Variants in SORBS2 observed in about 807,000 individuals in gnomAD.
The protein encoded by SORBS2 is sorbin and SH3 domain containing 2.
SORBS2 carries 46 observed loss-of-function variants against 97.7 expected under a neutral mutation model. That is an observed-to-expected ratio of 0.47 (90% CI 0.37 to 0.60). The LOEUF is 0.60. Among genes scored for constraint, SORBS2 ranks in the 20% least tolerant of loss-of-function variants. SORBS2 has a pLI of 0.00. For missense variants in SORBS2, 1,316 were observed against 1,282.3 expected (o/e 1.03, Z -0.40); for synonymous variants, 476 against 473.4 (o/e 1.01, Z -0.07).
rs560964502 is a variant in SORBS2 at position 185,595,016 on chromosome 4, T to C, written c.2797-1081A>G. 3.9e-5 allele frequency among the ~76,000 whole-genome samples: 6 copies of C among 152,304 alleles called. No homozygotes were observed. In the East Asian group the frequency reaches 1.2e-3, roughly 29 times the overall value. On this transcript the variant is annotated intron_variant, in intron 12 of 14. Transcript: ENST00000418609. ...TTACTGATAGGCTGAAATCTCTTGC[T>C]GCCAATTGTCCATAGAAACCCCACT...
chr4:185,928,739 G>T (rs966381409), intron 1 of SORBS2, among the ~76,000 whole-genome samples: 1 of 152,090 alleles, frequency 6.6e-6, no homozygotes, highest in African/African-American at 2.4e-5. Flanking sequence ...GTAGAGACGG[G>T]GTTTCACCGT....
chr4:185,721,231 C>T (rs4861677), intron 2 of SORBS2, among the ~76,000 whole-genome samples: 122,514 of 151,720 alleles, frequency 0.81, 50,140 homozygotes, highest in Non-Finnish European at 0.89. Context: ...CCTGCCACCA[C>T]GCCCAGATAA....
chr4:185,712,181 A>C (rs7689859), intron 2 of SORBS2, among the ~76,000 whole-genome samples: 112,092 of 151,950 alleles, frequency 0.74, 42,586 homozygotes, highest in Non-Finnish European at 0.84. Context: ...ACCTATAACC[A>C]TGCCCCACCC....
At chr4:185,665,501 T>G (rs1164989037) in intron 4 of SORBS2, among the ~76,000 whole-genome samples, 3 of 152,222 alleles carry the variant, frequency 2.0e-5, no homozygotes, top group Non-Finnish European at 4.4e-5. Flanking sequence ...AAACCGTAAG[T>G]AACTATTTTA....
intron 1 of SORBS2, among the ~76,000 whole-genome samples, chr4:185,815,635 C>G (rs1284316090): frequency 2.0e-5 from 3 of 152,074 alleles, no homozygotes; most frequent in Non-Finnish European, 4.4e-5. Context: ...TATATATGCT[C>G]TAATAGTATA....
At chr4:185,662,633 T>C (rs760473040) in intron 4 of SORBS2, among the ~76,000 whole-genome samples, 1 of 152,216 alleles carries the variant, frequency 6.6e-6, no homozygotes, top group Non-Finnish European at 1.5e-5. Context: ...GCATGCAGCA[T>C]TGACGTGGAT....
intron 1 of SORBS2, among the ~76,000 whole-genome samples, chr4:185,932,657 G>C (rs1417106096): frequency 3.3e-5 from 5 of 152,180 alleles, no homozygotes; most frequent in Non-Finnish European, 7.3e-5. Flanking sequence ...TTGCAGGGCT[G>C]TATTTGTTGG....
chr4:185,589,994 C>T (rs2095883058), intron 13 of SORBS2, among the ~76,000 whole-genome samples: 1 of 152,098 alleles, frequency 6.6e-6, no homozygotes, highest in Non-Finnish European at 1.5e-5. Flanking sequence ...TCTTCACAGG[C>T]ATTAGAACAC....
At chr4:185,668,867 A>G (rs1291594026) in intron 4 of SORBS2, among the ~76,000 whole-genome samples, 1 of 152,194 alleles carries the variant, frequency 6.6e-6, no homozygotes, top group African/African-American at 2.4e-5. Context: ...TTGTGAGTAT[A>G]AATTGTTTTT....
At chr4:185,730,961 G>A (rs749959141) in intron 2 of SORBS2, among the ~76,000 whole-genome samples, 11 of 152,130 alleles carry the variant, frequency 7.2e-5, no homozygotes, top group Non-Finnish European at 1.5e-4. Flanking sequence ...GTATCTATTT[G>A]AGCATTTTCC....
intron 7 of SORBS2, among the ~76,000 whole-genome samples, chr4:185,621,319 G>A (rs573966277): frequency 6.6e-6 from 1 of 152,102 alleles, no homozygotes; most frequent in South Asian, 2.1e-4. Flanking sequence ...CTAACCCAGG[G>A]AATATAAGCT....
At chr4:185,781,543 A>C (rs879306227) in intron 1 of SORBS2, among the ~76,000 whole-genome samples, 8 of 148,412 alleles carry the variant, frequency 5.4e-5, no homozygotes, top group Admixed American at 1.3e-4. Flanking sequence ...CCTCCCTTCC[A>C]TTGCCTCCAG....
rs1321987427 is a variant in SORBS2, at chr4:185,928,677, C to T, written c.-338+27519G>A. 2.6e-5 allele frequency among the ~76,000 whole-genome samples: 4 copies of T among 152,128 alleles called. No individual in the cohort carries two copies. The South Asian group carries it at 8.3e-4, about 32-fold the overall frequency. ...TCTCCTGCCTCATCCTCCCGAGTAG[C>T]TGGGACTACAGGCGCCTGCCACCAC... On this transcript the variant is annotated intron_variant, in intron 1 of 20. Transcript: ENST00000284776.
intron 2 of SORBS2, among the ~76,000 whole-genome samples, chr4:185,711,300 G>A (rs1459079980): frequency 6.6e-6 from 1 of 152,122 alleles, no homozygotes; most frequent in African/African-American, 2.4e-5. Context: ...CCTGACATGA[G>A]ACTCTTAACC....
chr4:185,738,322 G>A (rs1478553754), intron 2 of SORBS2, among the ~76,000 whole-genome samples: 2 of 152,174 alleles, frequency 1.3e-5, no homozygotes, highest in African/African-American at 4.8e-5. Flanking sequence ...GATGACAGGC[G>A]AGGCATTCCA....
chr4:185,852,328 A>G (rs7676978), intron 1 of SORBS2, among the ~76,000 whole-genome samples: 36,314 of 152,062 alleles, frequency 0.24, 4,757 homozygotes, highest in Middle Eastern at 0.35. Context: ...AGGTTCACCA[A>G]CCTCAATGCT....
intron 4 of SORBS2, among the ~76,000 whole-genome samples, chr4:185,634,002 A>G (rs1267383784): frequency 6.6e-6 from 1 of 152,056 alleles, no homozygotes; most frequent in Non-Finnish European, 1.5e-5. Flanking sequence ...ACAGAATATA[A>G]CCCCTTGTTT....
exon 1 of SORBS2, chr4:185,656,793 G>C: frequency 7.0e-7 from 1 of 1,427,520 alleles, no homozygotes; most frequent in Non-Finnish European, 9.1e-7. Context: ...CAATGCTTTG[G>C]CAGAGTTTTA....
chr4:185,602,404 A>C (rs888830721), intron 12 of SORBS2, among the ~76,000 whole-genome samples: 5 of 152,272 alleles, frequency 3.3e-5, no homozygotes, highest in Non-Finnish European at 5.9e-5. Flanking sequence ...TACATTAAAC[A>C]TAATTTATGT....
Sources: allele counts gnomAD v4.1 joint callset (sites outside exome capture counted in the v4.1 genomes callset), GRCh38; gene constraint gnomAD v4.1.1; transcripts MANE v1.5; gene names NCBI Gene and HGNC (gene_info 2026-07-23, HGNC 2026-07-21).